Variants in CNTN5 observed in about 807,000 individuals in gnomAD.
CNTN5 encodes the protein contactin 5.
A neutral mutation model predicts 129.1 loss-of-function variants in CNTN5; 77 were observed. That is an observed-to-expected ratio of 0.60 (90% CI 0.50 to 0.72). CNTN5 has a LOEUF of 0.72. Among genes scored for constraint, CNTN5 ranks in the 30% least tolerant of loss-of-function variants. The pLI, the probability that CNTN5 is intolerant of heterozygous loss-of-function variation, is 0.00. For synonymous variants in CNTN5, 509 were observed against 465.6 expected (o/e 1.09, Z -1.20); for missense variants, 1,478 against 1,328.8 (o/e 1.11, Z -1.75).
At chr11:99,890,120 G>T (rs1254904312) in intron 6 of CNTN5, among the ~76,000 whole-genome samples, 1 of 151,962 alleles carries the variant, frequency 6.6e-6, no homozygotes, top group African/African-American at 2.4e-5. Context: ...CCCTCAATGG[G>T]CAATATATTT....
chr11:99,685,597 C>T (rs752440327), intron 3 of CNTN5, among the ~76,000 whole-genome samples: 3 of 129,952 alleles, frequency 2.3e-5, no homozygotes, highest in Non-Finnish European at 3.8e-5. Context: ...AATAAAAGGT[C>T]TCTCTATTTC....
rs1441621045 is a variant in CNTN5, at chr11:99,784,798, T to G, written c.56-34746T>G. On this transcript the variant is annotated intron_variant, in intron 3 of 24. Transcript: ENST00000524871. ...GTGTGAGATGGTATCTCATTGTGTT[T>G]TTTTTTTTTTTTTTTTTTTGAGATG... 7.6e-3 allele frequency among the ~76,000 whole-genome samples: 1,005 copies of G among 132,988 alleles called. 18 individuals carry two copies. Among genetic ancestry groups the G allele is most frequent in the African/African-American group, 0.029 (908 of 31,546 alleles). The allele number at this position is 132,988 out of a possible 152,430, so 87.2% of individuals were successfully genotyped here. A position where few individuals can be genotyped will look rare whatever the true frequency, so the allele number is the denominator to read the frequency against.
rs11828940 is a variant in CNTN5, at chr11:99,877,992, A to G, written c.577+32730A>G. 7.6e-3 allele frequency among the ~76,000 whole-genome samples: 1,165 copies of G among 152,306 alleles called. 15 individuals carry two copies. The highest frequency in any genetic ancestry group is 0.026 in the African/African-American group (1,097 of 41,570). Reference sequence around the variant, plus strand: ...ACTTCATATTAAGCAGTCTACTTCAATACAGTCTGCCTTAATTATTACTTA... The same window carrying G: ...ACTTCATATTAAGCAGTCTACTTCAGTACAGTCTGCCTTAATTATTACTTA... On this transcript the variant is annotated intron_variant, in intron 6 of 24. Coordinates refer to ENST00000524871, the MANE Select transcript of CNTN5 (RefSeq NM_014361.4).
intron 3 of CNTN5, among the ~76,000 whole-genome samples, chr11:99,680,483 G>GT (rs1444794024): frequency 1.3e-5 from 2 of 152,132 alleles, no homozygotes; most frequent in Non-Finnish European, 2.9e-5. Context: ...CAGCACATCT[G>GT]TTTATAGCAT....
At chr11:99,423,862 G>C (rs1943002428) in intron 2 of CNTN5, among the ~76,000 whole-genome samples, 2 of 152,126 alleles carry the variant, frequency 1.3e-5, no homozygotes, top group South Asian at 4.1e-4. Flanking sequence ...GTGGGTATGG[G>C]GTGGGGGAGC....
rs1245543990 is a variant in CNTN5, at chr11:100,249,961, T to C, written c.2006-5799T>C. On this transcript the variant is annotated intron_variant, in intron 16 of 24. Coordinates refer to ENST00000524871, the MANE Select transcript of CNTN5 (RefSeq NM_014361.4). ...TATAACAGTAAATCTTGTTTTCACCTTTTTATGGTTAAAATTTAATGTCTC... is the reference window on the plus strand; with the variant it reads ...TATAACAGTAAATCTTGTTTTCACCCTTTTATGGTTAAAATTTAATGTCTC... Among the ~76,000 whole-genome samples the C allele has an allele frequency of 2.6e-5, 4 of 152,166 alleles. No homozygotes were observed. The East Asian group carries it at 5.8e-4, about 22-fold the overall frequency.
intron 1 of CNTN5, among the ~76,000 whole-genome samples, chr11:99,039,944 G>GT (rs1863922533): frequency 6.6e-6 from 1 of 152,070 alleles, no homozygotes; most frequent in South Asian, 2.1e-4. Context: ...TTCTATATTT[G>GT]TTTTTAATTT....
At chr11:99,300,024 C>G (rs1173170903) in intron 1 of CNTN5, among the ~76,000 whole-genome samples, 1 of 152,074 alleles carries the variant, frequency 6.6e-6, no homozygotes, top group East Asian at 1.9e-4. Context: ...AGTGTATAAG[C>G]ATTGCCTTTT....
At chr11:100,171,578 T>C (rs1488358026) in intron 13 of CNTN5, among the ~76,000 whole-genome samples, 1 of 152,034 alleles carries the variant, frequency 6.6e-6, no homozygotes, top group Non-Finnish European at 1.5e-5. Flanking sequence ...CCACCTCAAC[T>C]ATGTGTTTTT....
intron 1 of CNTN5, among the ~76,000 whole-genome samples, chr11:99,044,491 A>T (rs1591097094): frequency 6.6e-6 from 1 of 151,844 alleles, no homozygotes; most frequent in African/African-American, 2.4e-5. Context: ...AGCTCCATTC[A>T]CCTCTTCCAC....
intron 9 of CNTN5, among the ~76,000 whole-genome samples, chr11:100,055,034 A>T (rs1943145214): frequency 1.3e-5 from 2 of 149,486 alleles, no homozygotes; most frequent in African/African-American, 4.9e-5. Flanking sequence ...AGCCTAAAAA[A>T]AAAAAAAAAA....
chr11:99,773,131 C>A (rs1201111759), intron 3 of CNTN5, among the ~76,000 whole-genome samples: 1 of 151,992 alleles, frequency 6.6e-6, no homozygotes, highest in Non-Finnish European at 1.5e-5. Flanking sequence ...AGCCACTGCC[C>A]CCAACTCCCT....
At chr11:99,743,406 A>C (rs1193270183) in intron 3 of CNTN5, among the ~76,000 whole-genome samples, 2 of 152,134 alleles carry the variant, frequency 1.3e-5, no homozygotes, top group African/African-American at 4.8e-5. Flanking sequence ...TCCTGGGAGG[A>C]AGTGTGTAAT....
intron 1 of CNTN5, among the ~76,000 whole-genome samples, chr11:99,022,059 C>G (rs1862895913): frequency 6.6e-6 from 1 of 152,114 alleles, no homozygotes; most frequent in African/African-American, 2.4e-5. Flanking sequence ...AAGAAAAATA[C>G]AATTTCATGT....
intron 3 of CNTN5, among the ~76,000 whole-genome samples, chr11:99,700,333 C>G (rs2134863837): frequency 6.6e-6 from 1 of 151,404 alleles, no homozygotes; most frequent in Non-Finnish European, 1.5e-5. Context: ...ATAACTTTGC[C>G]AATCCTGAGT....
At chr11:99,498,598 C>T (rs765854845) in intron 2 of CNTN5, among the ~76,000 whole-genome samples, 5 of 152,074 alleles carry the variant, frequency 3.3e-5, no homozygotes, top group South Asian at 2.1e-4. Context: ...TATTCAGATA[C>T]GGAGTTTGAA....
At chr11:99,697,053 A>T (rs1375732484) in intron 3 of CNTN5, among the ~76,000 whole-genome samples, 1 of 151,978 alleles carries the variant, frequency 6.6e-6, no homozygotes, top group Admixed American at 6.6e-5. Context: ...AGCTGGGACA[A>T]TTTGAGCAAT....
chr11:99,632,454 C>T (rs1332353693), intron 3 of CNTN5, among the ~76,000 whole-genome samples: 1 of 152,034 alleles, frequency 6.6e-6, no homozygotes, highest in African/African-American at 2.4e-5. Context: ...TTTTGAATGA[C>T]TCCAAAGGCC....
At chr11:99,176,290 G>A (rs2135552623) in intron 1 of CNTN5, among the ~76,000 whole-genome samples, 1 of 151,958 alleles carries the variant, frequency 6.6e-6, no homozygotes, top group South Asian at 2.1e-4. Context: ...TCAGTGCTTA[G>A]TCATTAGATT....
Sources: allele counts gnomAD v4.1 joint callset (sites outside exome capture counted in the v4.1 genomes callset), GRCh38; gene constraint gnomAD v4.1.1; transcripts MANE v1.5; gene names NCBI Gene and HGNC (gene_info 2026-07-23, HGNC 2026-07-21).